The following PCDHGB2 variants were observed in gnomAD, a reference collection of about 807,000 sequenced individuals.
The protein encoded by PCDHGB2 is protocadherin gamma subfamily B, 2.
In PCDHGB2, 55 loss-of-function variants were observed where a neutral mutation model predicts 59.3. That is an observed-to-expected ratio of 0.93 (90% CI 0.75 to 1.16). The LOEUF (loss-of-function observed/expected upper bound fraction) is 1.16. Ranked by LOEUF, PCDHGB2 falls within the 50% of genes most tolerant of loss-of-function variation. The probability of loss-of-function intolerance (pLI) is 0.00; values close to 1 mark genes in which losing one functional copy is unlikely to be tolerated. For missense variants in PCDHGB2, 1,228 were observed against 1,198.5 expected (o/e 1.02, Z -0.36); for synonymous variants, 516 against 512.0 (o/e 1.01, Z -0.11).
intron 1 of PCDHGB2, chr5:141,404,291 G>A (rs755978034): frequency 6.2e-7 from 1 of 1,613,956 alleles, no homozygotes; most frequent in Non-Finnish European, 8.5e-7. Context: ...TGACATCAAT[G>A]ATAATCCACC....
Position 141,512,574 on chromosome 5 carries a change from C to G in PCDHGB2, c.*1401C>G, listed in dbSNP as rs1429371202. 2 of 152,884 alleles carry G rather than the reference C, an allele frequency of 1.3e-5. No homozygotes were observed. Among genetic ancestry groups the G allele is most frequent in the South Asian group, 2.1e-4 (1 of 4,836 alleles). 9.5% of individuals were successfully genotyped at this position (152,884 alleles called of 1,614,324 possible). On this transcript the variant is annotated 3_prime_UTR_variant, in exon 4 of 4. Transcript: ENST00000522605. ...GTGCATAGACCTTCTTCTCCCACCC[C>G]CTTCTGCCCCTGGGTCCCCGGCCAT...
intron 2 of PCDHGB2, among the ~76,000 whole-genome samples, chr5:141,501,983 C>G (rs957901405): frequency 6.6e-6 from 1 of 152,068 alleles, no homozygotes; most frequent in Non-Finnish European, 1.5e-5. Flanking sequence ...CATCTGGTCC[C>G]GTTGTCTCCC....
chr5:141,427,776 G>A (rs3828681), intron 1 of PCDHGB2: 73,622 of 1,424,156 alleles, frequency 0.052, 2,339 homozygotes, highest in African/African-American at 0.13. Flanking sequence ...GGAGCTGCGG[G>A]CACTGTCGTC....
chr5:141,418,506 A>G, intron 1 of PCDHGB2: 1 of 1,613,978 alleles, frequency 6.2e-7, no homozygotes, highest in Non-Finnish European at 8.5e-7. Flanking sequence ...ACCGCCTTAG[A>G]TGGTGGGGAC....
chr5:141,400,515 T>C lies in PCDHGB2; in HGVS notation c.2421+37959T>C, dbSNP rs367864769. On this transcript the variant is annotated intron_variant, in intron 1 of 3. Coordinates refer to ENST00000522605, the MANE Select transcript of PCDHGB2 (RefSeq NM_018923.3). ...GTAATTCCAGCGAGTCGACTTCCCATCCTGAGTTGGTGAGTTTCATTTATG... is the reference window on the plus strand; with the variant it reads ...GTAATTCCAGCGAGTCGACTTCCCACCCTGAGTTGGTGAGTTTCATTTATG... 2,129 of 1,613,988 alleles carry C rather than the reference T, an allele frequency of 1.3e-3. 41 individuals are homozygous for C. In the South Asian group the frequency reaches 0.02, roughly 15 times the overall value.
intron 1 of PCDHGB2, chr5:141,370,241 T>A (rs1442707721): frequency 4.8e-6 from 3 of 626,086 alleles, no homozygotes; most frequent in Non-Finnish European, 7.8e-6. Flanking sequence ...GGAAGAAAAG[T>A]GCACTCTCTA....
intron 1 of PCDHGB2, 103 bp downstream of exon 1, chr5:141,362,659 C>A: frequency 7.4e-7 from 1 of 1,352,228 alleles, no homozygotes; most frequent in Non-Finnish European, 9.9e-7. Flanking sequence ...TAGATTTGGC[C>A]AATGTTGTGC....
intron 1 of PCDHGB2, chr5:141,370,699 G>A (rs1767129462): frequency 6.2e-7 from 1 of 1,613,804 alleles, no homozygotes; most frequent in Non-Finnish European, 8.5e-7. Context: ...AAGTCGACGT[G>A]TGTTCTGGAA....
At chr5:141,406,382 G>C (rs189693155) in intron 1 of PCDHGB2, among the ~76,000 whole-genome samples, 1 of 152,114 alleles carries the variant, frequency 6.6e-6, no homozygotes, top group Non-Finnish European at 1.5e-5. Context: ...TGATAAAAAG[G>C]TAAATGTATT....
intron 1 of PCDHGB2, chr5:141,413,176 A>T: frequency 6.2e-7 from 1 of 1,601,892 alleles, no homozygotes; most frequent in Non-Finnish European, 8.5e-7. Context: ...CCAGACTACA[A>T]TGGCCGCTCA....
At position 141,476,418 on chromosome 5, in the gene PCDHGB2, T is replaced by C. The variant is rs201255025; in HGVS notation, c.2422-18389T>C. On this transcript the variant is annotated intron_variant, in intron 1 of 3. Transcript: ENST00000522605. This position sits in a 1 kb window ranked among gnomAD's most constrained non-coding sequence, Gnocchi z 7.6. The stretch of plus-strand genomic sequence containing the variant: ...GATCGAGAGGAGCTGTGTGGGACAC[T>C]GCCCTCTTGCACTGTAACTCTGGAG... 6.2e-7 allele frequency: 1 copy of C among 1,614,122 alleles called. No individual in the cohort carries two copies. Among genetic ancestry groups the C allele is most frequent in the Non-Finnish European group, 8.5e-7 (1 of 1,180,002 alleles).
intron 1 of PCDHGB2, chr5:141,428,153 CT>C (rs2097116745): frequency 6.3e-7 from 1 of 1,581,370 alleles, no homozygotes; most frequent in Admixed American, 1.7e-5. Flanking sequence ...ACACGGGAAC[CT>C]GCTGGTTGCT....
At chr5:141,394,591 C>A in intron 1 of PCDHGB2, 2 of 1,613,762 alleles carry the variant, frequency 1.2e-6, no homozygotes, top group Non-Finnish European at 1.7e-6. Context: ...AAGGTGGTGG[C>A]GGTGGACAGA....
intron 2 of PCDHGB2, among the ~76,000 whole-genome samples, chr5:141,500,501 G>A (rs571735791): frequency 1.3e-5 from 2 of 152,058 alleles, no homozygotes; most frequent in Non-Finnish European, 2.9e-5. Context: ...GAGCCACCGC[G>A]CCTGGCCGAG....
Position 141,486,487 on chromosome 5 carries a change from C to G in PCDHGB2, c.2422-8320C>G. The G allele has an allele frequency of 6.2e-7, 1 of 1,614,086 alleles. No homozygotes were observed. The highest frequency in any genetic ancestry group is 1.1e-5 in the South Asian group (1 of 91,074). ...CTGGGAACCCTCCTCTCAGTACCCA[C>G]AGAACTATTTTCCTCAATATTTCAG... On this transcript the variant is annotated intron_variant, in intron 1 of 3. Coordinates refer to ENST00000522605, the MANE Select transcript of PCDHGB2 (RefSeq NM_018923.3). This position sits in a 1 kb window ranked among gnomAD's most constrained non-coding sequence, Gnocchi z 5.0.
At chr5:141,467,747 C>T (rs56743829) in intron 1 of PCDHGB2, among the ~76,000 whole-genome samples, 7,097 of 152,110 alleles carry the variant, frequency 0.047, 213 homozygotes, top group Middle Eastern at 0.092. Context: ...CTGCAACCTC[C>T]GCCTCACATG....
At chr5:141,366,283 G>A (rs1283624984) in intron 1 of PCDHGB2, 10 of 1,613,592 alleles carry the variant, frequency 6.2e-6, no homozygotes, top group Non-Finnish European at 8.5e-6. Context: ...ACCATGGCCA[G>A]CCCCCTCTGT....
chr5:141,485,177 C>T lies in PCDHGB2; in HGVS notation c.2422-9630C>T. ...AGAGAATTAGCGGGCGGCAGCAATG[C>T]TCCGCAAGGTGAGAAGCTGGACAGA... On this transcript the variant is annotated intron_variant, in intron 1 of 3. Coordinates refer to ENST00000522605, the MANE Select transcript of PCDHGB2 (RefSeq NM_018923.3). This position sits in a 1 kb window ranked among gnomAD's most constrained non-coding sequence, Gnocchi z 5.7. 1 of 1,612,024 alleles carries T rather than the reference C, an allele frequency of 6.2e-7. No homozygotes were observed. Among genetic ancestry groups the T allele is most frequent in the South Asian group, 1.1e-5 (1 of 90,956 alleles).
chr5:141,381,826 C>CTTTTTTTTTTTTTT (rs770630741), intron 1 of PCDHGB2, among the ~76,000 whole-genome samples: 11 of 74,282 alleles, frequency 1.5e-4, no homozygotes, highest in Non-Finnish European at 1.7e-4. Context: ...CTTTCTTCTT[C>CTTTTTTTTTTTTTT]TTTTTTTTTT....
Sources: allele counts gnomAD v4.1 joint callset (sites outside exome capture counted in the v4.1 genomes callset), GRCh38; gene constraint gnomAD v4.1.1; non-coding constraint Gnocchi (gnomAD v3.1); transcripts MANE v1.5; gene names NCBI Gene and HGNC (gene_info 2026-07-23, HGNC 2026-07-21).